YEATS4: variants seen among roughly 807,000 people sequenced by gnomAD.
YEATS4 encodes YEATS domain-containing protein 4.
YEATS4 carries 17 observed loss-of-function variants against 30.1 expected under a neutral mutation model. The ratio of observed to expected loss-of-function variants is 0.56; its 90% CI spans 0.39 to 0.85. The LOEUF (loss-of-function observed/expected upper bound fraction) is 0.85, where lower values mean the gene tolerates loss of function less well. Ranked by LOEUF, YEATS4 falls within the 40% of genes least tolerant of loss-of-function variation. The pLI is 0.00. For missense variants in YEATS4, 142 were observed against 268.3 expected (o/e 0.53, Z 3.29); for synonymous variants, 85 against 87.5 (o/e 0.97, Z 0.16).
At chr12:69,373,835 C>T (rs1875738025) in intron 6 of YEATS4, among the ~76,000 whole-genome samples, 1 of 152,170 alleles carries the variant, frequency 6.6e-6, no homozygotes. Context: ...TTTCATTCTT[C>T]TGCATATAGA....
intron 1 of YEATS4, among the ~76,000 whole-genome samples, chr12:69,362,016 T>TG (rs1555174246): frequency 9.0e-6 from 1 of 111,256 alleles, no homozygotes; most frequent in Non-Finnish European, 2.0e-5. Flanking sequence ...TTTGGTTGTT[T>TG]TTTTTTTTTT....
At chr12:69,362,953 T>C in intron 2 of YEATS4, 46 bp downstream of exon 2, 1 of 1,465,918 alleles carries the variant, frequency 6.8e-7, no homozygotes, top group Non-Finnish European at 9.0e-7. Context: ...AAGTTGTCTG[T>C]AATTTGTTTT....
rs1438052295 is a variant in YEATS4 at position 69,366,129 on chromosome 12, A to G, written c.333+245A>G. Among the ~76,000 whole-genome samples, 3 of 152,106 alleles carry G rather than the reference A, an allele frequency of 2.0e-5. No homozygotes were observed. The East Asian group carries it at 5.8e-4, about 29-fold the overall frequency. On this transcript the variant is annotated intron_variant, in intron 4 of 6. Coordinates refer to ENST00000247843, the MANE Select transcript of YEATS4 (RefSeq NM_006530.4). ...GGAAAGAAACCATGGAAATCAGATG[A>G]CTACTGCAGCAAAAAAACTTAAAAC... is the stretch of plus-strand genomic sequence containing the variant.
intron 1 of YEATS4, 69 bp from the exon 2 acceptor site, chr12:69,362,719 A>T: frequency 8.4e-7 from 1 of 1,189,110 alleles, no homozygotes; most frequent in Non-Finnish European, 1.1e-6. Context: ...GCAAGTTTTC[A>T]GAGCTCTTAT....
At chr12:69,360,390 G>A (rs1197367792) in intron 1 of YEATS4, among the ~76,000 whole-genome samples, 1 of 152,172 alleles carries the variant, frequency 6.6e-6, no homozygotes, top group African/African-American at 2.4e-5. Flanking sequence ...CTCCTGGTGT[G>A]AGGATAACAA....
At chr12:69,379,583 ATTTTTT>A (rs61048163) in intron 6 of YEATS4, among the ~76,000 whole-genome samples, 15 of 72,300 alleles carry the variant, frequency 2.1e-4, no homozygotes, top group East Asian at 7.5e-4. Context: ...TGCCCAGCTA[ATTTTTT>A]TTTTTTTTTT....
At chr12:69,397,473 C>T in the YEATS4 span, among the ~76,000 whole-genome samples, 1 of 152,224 alleles carries the variant, frequency 6.6e-6, no homozygotes, top group South Asian at 2.1e-4. Flanking sequence ...TTTTCCTGTG[C>T]TGTTCTCAAG....
chr12:69,410,832 A>C, the YEATS4 span, among the ~76,000 whole-genome samples: 19,139 of 152,240 alleles, frequency 0.13, 1,537 homozygotes, highest in East Asian at 0.38. Context: ...CAGCCTAGAC[A>C]GCAGAGCATC....
the YEATS4 span, among the ~76,000 whole-genome samples, chr12:69,406,772 C>A: frequency 1.3e-5 from 2 of 151,880 alleles, no homozygotes; most frequent in African/African-American, 4.8e-5. Context: ...CATAATTATT[C>A]TTTTATTATT....
In YEATS4 at chr12:69,366,056, C is replaced by CT. The variant is rs758295267; in HGVS notation, c.333+182dup. On this transcript the variant is annotated intron_variant, in intron 4 of 6. Transcript: ENST00000247843. ...TTTAAATGTAGCGCCTTTCAAAATC[C>CT]TTTTTTTTTTCAAGTATGGAAAAAA... Among the ~76,000 whole-genome samples, 784 of 145,250 alleles carry CT rather than the reference C, an allele frequency of 5.4e-3. 10 individuals carry two copies. Among genetic ancestry groups the CT allele is most frequent in the Non-Finnish European group, 6.2e-3 (411 of 65,852 alleles).
At chr12:69,409,390 G>A in the YEATS4 span, among the ~76,000 whole-genome samples, 1 of 152,106 alleles carries the variant, frequency 6.6e-6, no homozygotes, top group African/African-American at 2.4e-5. Context: ...ACTGAGGTGG[G>A]CGGATCCCTT....
the YEATS4 span, chr12:69,401,215 A>T: frequency 2.2e-4 from 33 of 151,860 alleles, no homozygotes; most frequent in Non-Finnish European, 4.3e-4. Context: ...AAAAAAAAAA[A>T]TTGAAAATTT....
chr12:69,416,098 G>A, the YEATS4 span, among the ~76,000 whole-genome samples: 1 of 152,122 alleles, frequency 6.6e-6, no homozygotes, highest in Non-Finnish European at 1.5e-5. Flanking sequence ...CCAGGCCCGC[G>A]GTCCTACCTC....
chr12:69,397,470 G>A, the YEATS4 span, among the ~76,000 whole-genome samples: 2 of 152,066 alleles, frequency 1.3e-5, no homozygotes, highest in Non-Finnish European at 2.9e-5. Flanking sequence ...GGTTTTTCCT[G>A]TGCTGTTCTC....
chr12:69,400,138 A>G, the YEATS4 span, among the ~76,000 whole-genome samples: 2 of 152,166 alleles, frequency 1.3e-5, no homozygotes, highest in African/African-American at 2.4e-5. Context: ...ATTAAAAAAA[A>G]AAAGCTTAGT....
At chr12:69,398,212 G>A in the YEATS4 span, among the ~76,000 whole-genome samples, 1 of 151,912 alleles carries the variant, frequency 6.6e-6, no homozygotes, top group Non-Finnish European at 1.5e-5. Flanking sequence ...AATTTGGCAA[G>A]CAAAAAGAAT....
intron 6 of YEATS4, among the ~76,000 whole-genome samples, chr12:69,374,803 C>T (rs1352225037): frequency 6.6e-6 from 1 of 152,188 alleles, no homozygotes; most frequent in Non-Finnish European, 1.5e-5. Context: ...CAGTAACAAT[C>T]TGATCTCTCT....
the YEATS4 span, among the ~76,000 whole-genome samples, chr12:69,416,014 A>C: frequency 2.6e-5 from 4 of 152,202 alleles, no homozygotes; most frequent in African/African-American, 7.2e-5. Context: ...TTCTGTCAGC[A>C]CTTCTGTGAG....
At chr12:69,419,674 A>AACAG in the YEATS4 span, among the ~76,000 whole-genome samples, 1 of 152,206 alleles carries the variant, frequency 6.6e-6, no homozygotes, top group East Asian at 1.9e-4. Flanking sequence ...AAAGAAAGTC[A>AACAG]TGTGTTGAGC....
Sources: gnomAD v4.1 joint callset for allele counts (sites outside exome capture counted in the v4.1 genomes callset) on GRCh38, gnomAD v4.1.1 for gene constraint, MANE v1.5 for transcripts, NCBI Gene and HGNC (gene_info 2026-07-23, HGNC 2026-07-21) for gene names.